SCMH1: variants seen among roughly 807,000 people sequenced by gnomAD.
SCMH1 encodes the protein Scm polycomb group protein homolog 1.
Under a neutral mutation model 70.8 loss-of-function variants are expected in SCMH1, and 37 were observed. The ratio of observed to expected loss-of-function variants is 0.52; its 90% CI spans 0.40 to 0.69. The LOEUF (loss-of-function observed/expected upper bound fraction) is 0.69. Ranked by LOEUF, SCMH1 falls within the 30% of genes least tolerant of loss-of-function variation. The pLI is 0.00. For synonymous variants in SCMH1, 292 were observed against 307.4 expected, an observed-to-expected ratio of 0.95 and a Z score of 0.52; for missense variants, 607 against 827.3, an observed-to-expected ratio of 0.73 and a Z score of 3.27.
chr1:41,112,260 T>C (rs942272293), intron 8 of SCMH1, among the ~76,000 whole-genome samples: 10 of 152,312 alleles, frequency 6.6e-5, no homozygotes, highest in Middle Eastern at 3.4e-3. Context: ...TACAATTAGG[T>C]GCTCAATAAA....
At chr1:41,165,860 C>A (rs1646378372) in intron 2 of SCMH1, among the ~76,000 whole-genome samples, 1 of 151,962 alleles carries the variant, frequency 6.6e-6, no homozygotes, top group African/African-American at 2.4e-5. Context: ...GTTTCCTTTT[C>A]TATGCAGTAG....
At chr1:41,133,767 G>A (rs1353295995) in intron 6 of SCMH1, among the ~76,000 whole-genome samples, 1 of 151,908 alleles carries the variant, frequency 6.6e-6, no homozygotes, top group Non-Finnish European at 1.5e-5. Flanking sequence ...TAGACCAAAG[G>A]TTCTGAAATT....
At chr1:41,130,660 C>T (rs1182199439) in intron 6 of SCMH1, among the ~76,000 whole-genome samples, 1 of 152,088 alleles carries the variant, frequency 6.6e-6, no homozygotes, top group Non-Finnish European at 1.5e-5. Flanking sequence ...AAAATTTACT[C>T]TTTTAAGTAT....
intron 8 of SCMH1, among the ~76,000 whole-genome samples, chr1:41,089,714 C>A (rs1662763979): frequency 6.7e-6 from 1 of 149,582 alleles, no homozygotes; most frequent in Non-Finnish European, 1.5e-5. Flanking sequence ...CCTATATGAT[C>A]TGATTCCTCA....
intron 1 of SCMH1, among the ~76,000 whole-genome samples, chr1:41,197,203 T>C (rs576842972): frequency 1.2e-4 from 19 of 152,154 alleles, no homozygotes; most frequent in Admixed American, 3.3e-4. Flanking sequence ...GTTATATACC[T>C]AAAAGAACTG....
chr1:41,050,517 C>T (rs1318968339), intron 10 of SCMH1, among the ~76,000 whole-genome samples: 5 of 151,512 alleles, frequency 3.3e-5, no homozygotes, highest in African/African-American at 4.9e-5. Flanking sequence ...CCAACATGGA[C>T]GGAAGAAATG....
At chr1:41,174,906 G>A (rs1049441489) in intron 2 of SCMH1, among the ~76,000 whole-genome samples, 1 of 152,192 alleles carries the variant, frequency 6.6e-6, no homozygotes, top group African/African-American at 2.4e-5. Context: ...TGGGGAAGGG[G>A]CTAGTGTGTT....
chr1:41,117,397 A>G (rs213764), intron 6 of SCMH1, among the ~76,000 whole-genome samples: 128,938 of 151,580 alleles, frequency 0.85, 55,254 homozygotes, highest in East Asian at 0.97. Context: ...TAGCGGTAAC[A>G]CCAGCGTCTG....
intron 1 of SCMH1, among the ~76,000 whole-genome samples, chr1:41,187,705 A>AG (rs938546994): frequency 6.6e-5 from 10 of 151,018 alleles, no homozygotes; most frequent in African/African-American, 1.5e-4. Flanking sequence ...AGGCTGAAGT[A>AG]GGGGGGAATC....
chr1:41,143,052 T>G, exon 6 of SCMH1: 1 of 1,614,182 alleles, frequency 6.2e-7, no homozygotes, highest in Middle Eastern at 1.6e-4. Flanking sequence ...GTGGTGTTCC[T>G]GGGGTCCTGT....
chr1:41,210,239 C>T (rs1168823705), intron 1 of SCMH1, among the ~76,000 whole-genome samples: 1 of 151,454 alleles, frequency 6.6e-6, no homozygotes, highest in Non-Finnish European at 1.5e-5. Context: ...ACATTCCATG[C>T]TCATGGATAG....
intron 8 of SCMH1, among the ~76,000 whole-genome samples, chr1:41,104,890 AGTGCCCT>A (rs2147752341): frequency 6.6e-6 from 1 of 152,270 alleles, no homozygotes; most frequent in East Asian, 1.9e-4. Context: ...AACAAATCTT[AGTGCCCT>A]GTGCCACTCT....
At chr1:41,131,189 C>T (rs889103846) in intron 6 of SCMH1, among the ~76,000 whole-genome samples, 3 of 152,148 alleles carry the variant, frequency 2.0e-5, no homozygotes, top group African/African-American at 7.2e-5. Flanking sequence ...TGTGAAAAAT[C>T]AATTGACCAT....
chr1:41,218,150 T>C (rs1658494024), intron 1 of SCMH1, among the ~76,000 whole-genome samples: 1 of 152,184 alleles, frequency 6.6e-6, no homozygotes, highest in Non-Finnish European at 1.5e-5. Context: ...GAGTTGATGC[T>C]GGAAGGAGTT....
At chr1:41,106,173 C>T (rs150337944) in intron 8 of SCMH1, among the ~76,000 whole-genome samples, 79 of 151,974 alleles carry the variant, frequency 5.2e-4, no homozygotes, top group Non-Finnish European at 1.1e-3. Context: ...CCACGCCCAG[C>T]CAATAGTTCT....
At chr1:41,031,867 C>A (rs896057508) in intron 13 of SCMH1, among the ~76,000 whole-genome samples, 1 of 152,166 alleles carries the variant, frequency 6.6e-6, no homozygotes. Context: ...TAAATACACA[C>A]ATGCTACTGA....
chr1:41,150,953 A>AG (rs1045862576), intron 5 of SCMH1, among the ~76,000 whole-genome samples: 20 of 151,442 alleles, frequency 1.3e-4, no homozygotes, highest in Admixed American at 7.9e-4. Flanking sequence ...AAAAAAAAAA[A>AG]AAAAGAAAAC....
chr1:41,117,106 G>A (rs925531668), intron 6 of SCMH1, 96 bp from the exon 7 acceptor site: 30 of 800,464 alleles, frequency 3.7e-5, no homozygotes, highest in Admixed American at 2.9e-4. Flanking sequence ...GCAAGAGACC[G>A]AGGGCACGAG....
chr1:41,229,123 G>C (rs886921903), intron 1 of SCMH1, among the ~76,000 whole-genome samples: 2 of 152,092 alleles, frequency 1.3e-5, no homozygotes, highest in Admixed American at 6.5e-5. Context: ...TTAAACCCAG[G>C]GGGTGGAGGT....
Sources: allele counts gnomAD v4.1 joint callset (sites outside exome capture counted in the v4.1 genomes callset), GRCh38; gene constraint gnomAD v4.1.1; transcripts MANE v1.5; gene names NCBI Gene and HGNC (gene_info 2026-07-23, HGNC 2026-07-21).